The following TJP1 variants were observed in gnomAD, a reference collection of about 807,000 sequenced individuals.
TJP1 encodes tight junction protein ZO-1.
In TJP1, 43 loss-of-function variants were observed where a neutral mutation model predicts 194.2. The observed-to-expected ratio is 0.22, with a 90% CI of 0.17 to 0.29. The LOEUF (loss-of-function observed/expected upper bound fraction) is 0.29. Among genes scored for constraint, TJP1 ranks in the 10% least tolerant of loss-of-function variants. The pLI, the probability that TJP1 is intolerant of heterozygous loss-of-function variation, is 1.00. For synonymous variants in TJP1, 801 were observed against 779.0 expected (o/e 1.03, Z -0.47); for missense variants, 1,971 against 2,185.7 (o/e 0.90, Z 1.96).
At chr15:29,913,596 T>C (rs977981271) in intron 2 of TJP1, among the ~76,000 whole-genome samples, 3 of 152,156 alleles carry the variant, frequency 2.0e-5, no homozygotes, top group Admixed American at 1.3e-4. Flanking sequence ...GGAGTTAAGT[T>C]TGCAGTGAGC....
At chr15:29,759,671 C>T (rs1314791317) in intron 8 of TJP1, 1 of 152,344 alleles carries the variant, frequency 6.6e-6, no homozygotes, top group Non-Finnish European at 1.5e-5. Context: ...CTGTCTGTTT[C>T]TATGAGTTCA....
chr15:29,845,628 C>A (rs1452348523), intron 2 of TJP1, among the ~76,000 whole-genome samples: 1 of 151,958 alleles, frequency 6.6e-6, no homozygotes, highest in Non-Finnish European at 1.5e-5. Flanking sequence ...CATGGTGAAA[C>A]CCCATCTCTA....
chr15:29,705,822 G>A lies in TJP1; in HGVS notation c.4851-77C>T, dbSNP rs551422944. 4.4e-5 allele frequency: 55 copies of A among 1,258,046 alleles called. 1 individual carries two copies. Among genetic ancestry groups the A allele is most frequent in the Middle Eastern group, 1.9e-4 (1 of 5,260 alleles). 77.9% of individuals were successfully genotyped at this position (1,258,046 alleles called of 1,614,324 possible). A position where few individuals can be genotyped will look rare whatever the true frequency, so the allele number is the denominator to read the frequency against. On this transcript the variant is annotated intron_variant, in intron 25 of 27. Coordinates refer to ENST00000614355, the MANE Select transcript of TJP1 (RefSeq NM_001330239.4). ...TTTGCTTTTACTACTACTGTATTAC[G>A]TGCTTTCACTTTTATTTCTCCATAT...
At chr15:29,879,169 CCT>C (rs1223875428) in intron 2 of TJP1, among the ~76,000 whole-genome samples, 2 of 152,122 alleles carry the variant, frequency 1.3e-5, no homozygotes, top group Non-Finnish European at 2.9e-5. Context: ...TCCCATGCCT[CCT>C]CTGGCTTCCT....
Position 29,709,030 on chromosome 15 carries a change from G to A in TJP1, c.4379C>T (p.Ser1460Leu), listed in dbSNP as rs372749513. 6.2e-6 allele frequency: 10 copies of A among 1,604,198 alleles called. No homozygotes were observed. Among genetic ancestry groups the A allele is most frequent in the Middle Eastern group, 1.7e-4 (1 of 5,970 alleles). The stretch of plus-strand genomic sequence containing the variant: ...GGAATTCTGAAAATCCAATGACACT[G>A]AATTACCTGAAAAACAAACGTAAGC... ...HSKGAHGEGN[S>L]VSLDFQNSLV... The change falls in exon 25 of 28, where the codon TCA (serine) becomes TTA (leucine). Residue 1460 changes from serine to leucine, a missense_variant. Transcript: ENST00000614355.
At chr15:29,839,146 C>T (rs921587921) in intron 2 of TJP1, among the ~76,000 whole-genome samples, 1 of 151,586 alleles carries the variant, frequency 6.6e-6, no homozygotes, top group Non-Finnish European at 1.5e-5. Flanking sequence ...CTACAGGAGC[C>T]CACCACCATG....
chr15:29,880,574 A>G (rs981851816), intron 2 of TJP1, among the ~76,000 whole-genome samples: 2 of 152,154 alleles, frequency 1.3e-5, no homozygotes, highest in African/African-American at 4.8e-5. Flanking sequence ...AAACTTTCAT[A>G]CCCACTGAAC....
chr15:29,808,340 T>A (rs1440835922), intron 1 of TJP1, among the ~76,000 whole-genome samples: 1 of 152,188 alleles, frequency 6.6e-6, no homozygotes, highest in East Asian at 1.9e-4. Flanking sequence ...TACCTTTGTG[T>A]ATGAAGTAAC....
Position 29,822,204 on chromosome 15 carries a change from C to A in TJP1, c.-176G>T. 1 of 1,176,550 alleles carries A rather than the reference C, an allele frequency of 8.5e-7. No individual in the cohort carries two copies. Among genetic ancestry groups the A allele is most frequent in the Non-Finnish European group, 1.1e-6 (1 of 952,240 alleles). 72.9% of individuals were successfully genotyped at this position (1,176,550 alleles called of 1,614,324 possible). A position where few individuals can be genotyped will look rare whatever the true frequency, so the allele number is the denominator to read the frequency against. On this transcript the variant is annotated 5_prime_UTR_variant, in exon 1 of 28. Transcript: ENST00000614355. The stretch of plus-strand genomic sequence containing the variant: ...AGGGAATTCAACTCGGACAAAAGTC[C>A]GGGAAGCGCCCGCCCCGCCCGGGTC...
At chr15:29,832,828 G>C (rs906879258) in intron 2 of TJP1, among the ~76,000 whole-genome samples, 19 of 152,204 alleles carry the variant, frequency 1.2e-4, no homozygotes, top group African/African-American at 4.3e-4. Context: ...AGACACTACG[G>C]AAACAGTCAT....
At chr15:29,916,497 GA>G (rs969982069) in intron 2 of TJP1, among the ~76,000 whole-genome samples, 10 of 148,382 alleles carry the variant, frequency 6.7e-5, no homozygotes, top group Non-Finnish European at 9.0e-5. Flanking sequence ...AATTAAAAAA[GA>G]AAAAAAAAGG....
At chr15:29,816,801 A>G (rs1394238919) in intron 1 of TJP1, among the ~76,000 whole-genome samples, 1 of 152,218 alleles carries the variant, frequency 6.6e-6, no homozygotes, top group African/African-American at 2.4e-5. Flanking sequence ...CTGTATACAC[A>G]AATTAACTCA....
At chr15:29,900,191 G>A (rs1323629451) in intron 2 of TJP1, among the ~76,000 whole-genome samples, 3 of 152,148 alleles carry the variant, frequency 2.0e-5, no homozygotes, top group African/African-American at 7.2e-5. Flanking sequence ...AAAGGCTCTG[G>A]GGCAGGAGTG....
intron 2 of TJP1, among the ~76,000 whole-genome samples, chr15:29,865,344 T>C (rs1278523313): frequency 2.0e-5 from 3 of 152,198 alleles, no homozygotes; most frequent in Admixed American, 1.3e-4. Context: ...ATGTAAACTC[T>C]GCAGTTTATT....
intron 8 of TJP1, among the ~76,000 whole-genome samples, chr15:29,744,696 T>A (rs1030694146): frequency 6.6e-6 from 1 of 151,204 alleles, no homozygotes; most frequent in Non-Finnish European, 1.5e-5. Context: ...CTAATTCACT[T>A]AAAAAAAAAC....
At chr15:29,846,185 A>G (rs140090258) in intron 2 of TJP1, among the ~76,000 whole-genome samples, 28 of 152,260 alleles carry the variant, frequency 1.8e-4, no homozygotes, top group Non-Finnish European at 3.8e-4. Flanking sequence ...TCCTGCTTAT[A>G]ATCCTGCAAA....
At chr15:29,779,010 C>T (rs1238704195) in intron 2 of TJP1, among the ~76,000 whole-genome samples, 11 of 152,158 alleles carry the variant, frequency 7.2e-5, no homozygotes, top group Admixed American at 2.6e-4. Context: ...TCTTTTTCAT[C>T]GCTTACTTCT....
At chr15:29,881,083 C>T (rs1483834790) in intron 2 of TJP1, among the ~76,000 whole-genome samples, 1 of 152,196 alleles carries the variant, frequency 6.6e-6, no homozygotes, top group Non-Finnish European at 1.5e-5. Context: ...CCCTTTTCTC[C>T]TCCACATGAT....
intron 2 of TJP1, among the ~76,000 whole-genome samples, chr15:29,799,527 G>C (rs902743631): frequency 6.6e-6 from 1 of 151,290 alleles, no homozygotes; most frequent in Non-Finnish European, 1.5e-5. Flanking sequence ...CCATTCTCCC[G>C]CCTCAGCCTC....
Sources: allele counts gnomAD v4.1 joint callset (sites outside exome capture counted in the v4.1 genomes callset), GRCh38; gene constraint gnomAD v4.1.1; transcripts MANE v1.5; gene names NCBI Gene and HGNC (gene_info 2026-07-23, HGNC 2026-07-21).